Variants in SLC4A4 observed in about 807,000 individuals in gnomAD.
The protein encoded by SLC4A4 is electrogenic sodium bicarbonate cotransporter 1.
In SLC4A4, 27 loss-of-function variants were observed where a neutral mutation model predicts 111.5. The ratio of observed to expected loss-of-function variants is 0.24; its 90% confidence interval spans 0.18 to 0.33. The LOEUF (loss-of-function observed/expected upper bound fraction) is 0.33. Among genes scored for constraint, SLC4A4 ranks in the 10% least tolerant of loss-of-function variants. SLC4A4 has a pLI of 1.00. For missense variants in SLC4A4, 909 were observed against 1,315.5 expected (o/e 0.69, Z 4.78); for synonymous variants, 443 against 463.4 (o/e 0.96, Z 0.57).
chr4:71,283,688 T>C (rs989259290), intron 3 of SLC4A4, among the ~76,000 whole-genome samples: 40 of 152,340 alleles, frequency 2.6e-4, no homozygotes, highest in African/African-American at 9.6e-4. Flanking sequence ...TGTATTGCTA[T>C]TTACAGAAAT....
intron 3 of SLC4A4, among the ~76,000 whole-genome samples, chr4:71,267,737 T>C (rs1722373645): frequency 8.2e-6 from 1 of 122,630 alleles, no homozygotes; most frequent in African/African-American, 3.2e-5. Flanking sequence ...GAGGTTGCAG[T>C]GAGCCGAGAT....
intron 6 of SLC4A4, among the ~76,000 whole-genome samples, chr4:71,389,861 T>C (rs1719100489): frequency 1.3e-5 from 2 of 152,130 alleles, no homozygotes; most frequent in Non-Finnish European, 2.9e-5. Context: ...TCTTGGAGTT[T>C]ACATTATATA....
At chr4:71,273,776 G>A (rs752894223) in intron 3 of SLC4A4, among the ~76,000 whole-genome samples, 41 of 151,582 alleles carry the variant, frequency 2.7e-4, no homozygotes, top group Non-Finnish European at 3.4e-4. Context: ...TGTGTCAAGC[G>A]TTGCATGCTG....
chr4:71,383,114 G>A (rs1024348770), intron 6 of SLC4A4, among the ~76,000 whole-genome samples: 5 of 151,712 alleles, frequency 3.3e-5, no homozygotes, highest in African/African-American at 9.7e-5. Flanking sequence ...TTTTCCTACC[G>A]AATTCATTCT....
intron 1 of SLC4A4, among the ~76,000 whole-genome samples, chr4:71,196,312 C>T (rs1745996674): frequency 1.3e-5 from 2 of 152,188 alleles, no homozygotes; most frequent in African/African-American, 4.8e-5. Context: ...GCAGCTCACA[C>T]ATTTGCACTT....
chr4:71,344,276 A>G (rs1181268968), intron 4 of SLC4A4, among the ~76,000 whole-genome samples: 3 of 152,158 alleles, frequency 2.0e-5, no homozygotes, highest in Non-Finnish European at 4.4e-5. Context: ...TGCTCCACCT[A>G]CATTCTTTGG....
rs1261790075 is a variant in SLC4A4 at position 71,472,700 on chromosome 4, G to A, written c.1633G>A (p.Asp545Asn). The A allele has an allele frequency of 1.2e-6, 2 of 1,612,344 alleles. No homozygotes were observed. Among genetic ancestry groups the A allele is most frequent in the Non-Finnish European group, 1.7e-6 (2 of 1,179,018 alleles). ...AACATTTTTCTTTCTTTTTTCCAGG[G>A]ACAATAATTTTGACTATTTGGAGTT... ...FERLLFNFSK[D>N]NNFDYLEFRL... The change falls in exon 14 of 26, where the codon GAC becomes AAC. Residue 545 changes from aspartate (D) to asparagine (N), a missense_variant and splice_region_variant. Asp to Asn is a conservative substitution (Grantham distance 23, BLOSUM62 1). Transcript: ENST00000264485.
chr4:71,546,948 C>T (rs528601095), intron 19 of SLC4A4, among the ~76,000 whole-genome samples: 51 of 152,010 alleles, frequency 3.4e-4, no homozygotes, highest in African/African-American at 1.2e-3. Flanking sequence ...CACTGAGAAA[C>T]TTTAACCTCC....
chr4:71,274,314 C>G (rs533035538), intron 3 of SLC4A4, among the ~76,000 whole-genome samples: 1 of 152,110 alleles, frequency 6.6e-6, no homozygotes, highest in Non-Finnish European at 1.5e-5. Flanking sequence ...GATGGTCTTG[C>G]TGTCTCAGGG....
At chr4:71,248,305 G>A (rs771376619) in intron 2 of SLC4A4, among the ~76,000 whole-genome samples, 13 of 152,022 alleles carry the variant, frequency 8.6e-5, no homozygotes, top group Non-Finnish European at 1.3e-4. Context: ...CAGCACCTTT[G>A]TGTACCAGAC....
intron 2 of SLC4A4, among the ~76,000 whole-genome samples, chr4:71,114,373 G>T (rs1410969502): frequency 1.3e-5 from 2 of 151,214 alleles, no homozygotes; most frequent in Non-Finnish European, 2.9e-5. Context: ...CACAGCAAAA[G>T]AAACTACCAT....
At chr4:71,273,678 C>CTTT (rs772319559) in intron 3 of SLC4A4, among the ~76,000 whole-genome samples, 1 of 134,252 alleles carries the variant, frequency 7.4e-6, no homozygotes, top group East Asian at 2.2e-4. Flanking sequence ...TTCTAGAATT[C>CTTT]TTTTTTTTTT....
rs193199052 is a variant in SLC4A4 at position 71,176,043 on chromosome 4, C to T, written c.-1-60533C>T. Among the ~76,000 whole-genome samples, 107 of 152,282 alleles carry T rather than the reference C, an allele frequency of 7.0e-4. 2 individuals carry two copies. The highest frequency in any genetic ancestry group is 2.1e-3 in the African/African-American group (87 of 41,558). ...CCAATATCCGCTGTTCTGTAGCTTCCGCTGCTGATACCCAGGCAAACATGG... is the reference window on the plus strand; with the variant it reads ...CCAATATCCGCTGTTCTGTAGCTTCTGCTGCTGATACCCAGGCAAACATGG... On this transcript the variant is annotated intron_variant, in intron 2 of 26. Coordinates refer to the SLC4A4 transcript ENST00000649996.
intron 1 of SLC4A4, among the ~76,000 whole-genome samples, chr4:71,220,895 G>A (rs901124754): frequency 1.3e-5 from 2 of 152,026 alleles, no homozygotes; most frequent in Admixed American, 1.3e-4. Context: ...GTAGACCCCA[G>A]TGTCTGTTAT....
intron 7 of SLC4A4, among the ~76,000 whole-genome samples, chr4:71,431,533 T>G (rs1309980787): frequency 2.0e-5 from 3 of 152,108 alleles, no homozygotes; most frequent in Non-Finnish European, 4.4e-5. Context: ...GGTTCCAGAT[T>G]TAACCTTTAA....
chr4:71,065,300 G>A (rs1019013344), intron 1 of SLC4A4, among the ~76,000 whole-genome samples: 3 of 152,076 alleles, frequency 2.0e-5, no homozygotes, highest in Admixed American at 1.3e-4. Context: ...GTACTGTTAA[G>A]TTAATGAAGG....
chr4:71,088,191 G>A (rs1233781352), intron 1 of SLC4A4, among the ~76,000 whole-genome samples: 1 of 151,060 alleles, frequency 6.6e-6, no homozygotes, highest in Non-Finnish European at 1.5e-5. Context: ...ATCTTTGATG[G>A]CTTAAAGTCT....
At chr4:71,321,753 C>A (rs572270872) in intron 3 of SLC4A4, among the ~76,000 whole-genome samples, 5 of 152,030 alleles carry the variant, frequency 3.3e-5, no homozygotes, top group African/African-American at 4.8e-5. Context: ...GGGGGCAGAA[C>A]CCTCATGACA....
At chr4:71,404,129 G>T (rs1720625019) in intron 7 of SLC4A4, among the ~76,000 whole-genome samples, 1 of 152,058 alleles carries the variant, frequency 6.6e-6, no homozygotes, top group Non-Finnish European at 1.5e-5. Flanking sequence ...CTAGAAGTGG[G>T]TGTAAGCCAC....
Sources: allele counts gnomAD v4.1 joint callset (sites outside exome capture counted in the v4.1 genomes callset), GRCh38; gene constraint gnomAD v4.1.1; transcripts MANE v1.5; gene names NCBI Gene and HGNC (gene_info 2026-07-23, HGNC 2026-07-21).